Variants in CCDC102A observed in about 807,000 individuals in gnomAD.
CCDC102A encodes the protein coiled-coil domain containing 102A.
Under a neutral mutation model 55.5 loss-of-function variants are expected in CCDC102A, and 40 were observed. The observed-to-expected ratio is 0.72, with a 90% CI of 0.56 to 0.94. The LOEUF is 0.94. Among genes scored for constraint, CCDC102A ranks in the 40% least tolerant of loss-of-function variants. The pLI is 0.00. For missense variants in CCDC102A, 779 were observed against 768.6 expected, an observed-to-expected ratio of 1.01 and a Z score of -0.16; for synonymous variants, 323 against 339.0, an observed-to-expected ratio of 0.95 and a Z score of 0.52.
intron 3 of CCDC102A, among the ~76,000 whole-genome samples, chr16:57,522,772 CG>C (rs2032074311): frequency 6.6e-6 from 1 of 152,212 alleles, no homozygotes; most frequent in African/African-American, 2.4e-5. Flanking sequence ...TTATAACTAT[CG>C]TCACTATCAT....
intron 2 of CCDC102A, 23 bp from the exon 3 acceptor site, chr16:57,526,150 T>C (rs1375952917): frequency 6.7e-7 from 1 of 1,501,040 alleles, no homozygotes; most frequent in Admixed American, 2.3e-5. Flanking sequence ...AGGTGGAGGC[T>C]GGACCAGTGG....
At chr16:57,518,316 G>A (rs2031992818) in intron 5 of CCDC102A, 39 bp from the exon 6 acceptor site, 1 of 1,591,222 alleles carries the variant, frequency 6.3e-7, no homozygotes, top group Non-Finnish European at 8.5e-7. Context: ...TCCCAGCGGA[G>A]GGGGCATGCA....
Position 57,512,401 on chromosome 16 carries a change from C to T in CCDC102A, c.*340G>A, listed in dbSNP as rs2031877856. On this transcript the variant is annotated 3_prime_UTR_variant, in exon 9 of 9. Transcript: ENST00000258214. The stretch of plus-strand genomic sequence containing the variant: ...GCCCAGGGTGGGGCTCCAACAACTG[C>T]CCCCAACATGCCCAGCCCTGCATGA... The T allele has an allele frequency of 2.5e-6, 1 of 400,492 alleles. No homozygotes were observed. The highest frequency in any genetic ancestry group is 4.4e-6 in the Non-Finnish European group (1 of 227,312). 24.8% of individuals were successfully genotyped at this position (400,492 alleles called of 1,614,324 possible).
chr16:57,528,388 G>A (rs1424011287), intron 2 of CCDC102A, among the ~76,000 whole-genome samples: 1 of 152,166 alleles, frequency 6.6e-6, no homozygotes, highest in African/African-American at 2.4e-5. Context: ...TGGGAGTGGA[G>A]GGATCACAGA....
chr16:57,536,073 G>A (rs529955684), intron 1 of CCDC102A, among the ~76,000 whole-genome samples: 1 of 152,286 alleles, frequency 6.6e-6, no homozygotes, highest in South Asian at 2.1e-4. Flanking sequence ...CCACCGCATG[G>A]CCCCCATTGG....
chr16:57,525,665 G>A (rs1037795739), intron 3 of CCDC102A, among the ~76,000 whole-genome samples: 4 of 152,232 alleles, frequency 2.6e-5, no homozygotes, highest in Non-Finnish European at 5.9e-5. Flanking sequence ...ATTTACGGCT[G>A]TATCCTCAGG....
intron 3 of CCDC102A, among the ~76,000 whole-genome samples, chr16:57,525,331 C>T (rs1360976567): frequency 1.3e-5 from 2 of 152,158 alleles, no homozygotes; most frequent in Admixed American, 6.5e-5. Flanking sequence ...CAACTCCTGA[C>T]CTCAAGTGAT....
chr16:57,518,586 C>T (rs759448990), intron 5 of CCDC102A, 39 bp downstream of exon 5: 1 of 1,545,630 alleles, frequency 6.5e-7, no homozygotes, highest in South Asian at 1.1e-5. Flanking sequence ...CCCAGGACCC[C>T]TAAACCCAGG....
rs144924841 is a variant in CCDC102A at position 57,516,381 on chromosome 16, C to T, written c.1331G>A (p.Arg444Gln). The change falls in exon 7 of 9, where the codon CGG becomes CAG. Residue 444 changes from arginine to glutamine, a missense_variant. Arg to Gln is a conservative substitution (Grantham distance 43). Coordinates refer to ENST00000258214, the MANE Select transcript of CCDC102A (RefSeq NM_033212.4). This position sits in a 1 kb window ranked among gnomAD's most constrained non-coding sequence, Gnocchi z 4.4. ...EKVAELAHAN[R>Q]RVEQHEAEVK... ...CTCAGCCTCGTGCTGCTCCACCCGCCGGTTGGCATGTGCCAGCTCTGCCAC... is the reference window on the plus strand; with the variant it reads ...CTCAGCCTCGTGCTGCTCCACCCGCTGGTTGGCATGTGCCAGCTCTGCCAC... 7.5e-4 allele frequency: 1,203 copies of T among 1,609,708 alleles called. 5 individuals carry two copies. The highest frequency in any genetic ancestry group is 8.9e-4 in the Non-Finnish European group (1,049 of 1,179,996).
rs1292261943 is a variant in CCDC102A at position 57,512,352 on chromosome 16, T to C, written c.*389A>G. 42 of 399,584 alleles carry C rather than the reference T, an allele frequency of 1.1e-4. No homozygotes were observed. In the East Asian group the frequency reaches 1.5e-3, roughly 14 times the overall value. 24.8% of individuals were successfully genotyped at this position (399,584 alleles called of 1,614,324 possible). A position where few individuals can be genotyped will look rare whatever the true frequency, so the allele number is the denominator to read the frequency against. ...TAACTGGGTTCACTGCATTGTATGA[T>C]GAACAGCGAAGCCTAGAGAGGCAGC... On this transcript the variant is annotated 3_prime_UTR_variant, in exon 9 of 9. Coordinates refer to ENST00000258214, the MANE Select transcript of CCDC102A (RefSeq NM_033212.4).
Position 57,525,946 on chromosome 16 carries a change from C to G in CCDC102A, c.767G>C (p.Arg256Pro). 6.2e-7 allele frequency: 1 copy of G among 1,612,486 alleles called. No homozygotes were observed. The highest frequency in any genetic ancestry group is 8.5e-7 in the Non-Finnish European group (1 of 1,179,444). The change falls in exon 3 of 9, where the codon CGG becomes CCG. Residue 256 changes from arginine to proline, a missense_variant. By Grantham distance (103) the Arg-to-Pro change is moderately radical (BLOSUM62 -2). Transcript: ENST00000258214. ...EEEASKLTAL[R>P]LRLDESQKVL... ...CTTCTGGGACTCATCCAGCCGTAGC[C>G]GCAGGGCGGTCAACTTGGAGGCCTC...
intron 1 of CCDC102A, among the ~76,000 whole-genome samples, chr16:57,531,033 C>T (rs570169121): frequency 2.0e-5 from 3 of 152,036 alleles, no homozygotes; most frequent in Admixed American, 6.5e-5. Context: ...CTGGGCTTAT[C>T]CCTCGAATGC....
intron 3 of CCDC102A, among the ~76,000 whole-genome samples, chr16:57,524,367 G>A (rs1431963612): frequency 6.6e-6 from 1 of 152,066 alleles, no homozygotes; most frequent in Non-Finnish European, 1.5e-5. Flanking sequence ...TCCCCACAAT[G>A]TGAGCTGGGC....
chr16:57,514,012 G>A (rs1348193540), intron 8 of CCDC102A, among the ~76,000 whole-genome samples: 2 of 152,146 alleles, frequency 1.3e-5, no homozygotes, highest in African/African-American at 4.8e-5. Flanking sequence ...TTACCCTCTT[G>A]GGCCTTAGTT....
Position 57,526,050 on chromosome 16 carries a change from C to G in CCDC102A, c.663G>C (p.Gly221=), listed in dbSNP as rs1259096308. ...CTGAGCTGCCCCGCGGGCCCCCAGC[C>G]CCCAGGCTGCGCGCCTCCCAGCAGT... The part of the protein sequence containing the change: ...SEDCWEARSL[G]AGGPRGSSGR... The change falls in exon 3 of 9, where the codon GGG becomes GGC. Residue 221 remains glycine, a synonymous_variant. Transcript: ENST00000258214. The G allele has an allele frequency of 5.6e-6, 9 of 1,593,600 alleles. No homozygotes were observed. The highest frequency in any genetic ancestry group is 6.8e-6 in the Non-Finnish European group (8 of 1,172,832).
chr16:57,514,133 T>C (rs1207795095), intron 8 of CCDC102A, among the ~76,000 whole-genome samples: 2 of 152,154 alleles, frequency 1.3e-5, no homozygotes, highest in African/African-American at 4.8e-5. Context: ...GCAGCGGTAG[T>C]AGTAACAGTA....
chr16:57,530,260 G>T (rs1455001672), intron 1 of CCDC102A, among the ~76,000 whole-genome samples: 1 of 152,114 alleles, frequency 6.6e-6, no homozygotes, highest in African/African-American at 2.4e-5. Context: ...GCCCAGCACT[G>T]GGCTCTGCCA....
chr16:57,528,437 T>C (rs555313124), intron 2 of CCDC102A, among the ~76,000 whole-genome samples, 156 bp downstream of exon 2: 1 of 152,060 alleles, frequency 6.6e-6, no homozygotes, highest in South Asian at 2.1e-4. Context: ...GGAAGGAAAA[T>C]GATGTGAGGC....
chr16:57,523,964 G>A (rs1455808722), intron 3 of CCDC102A, among the ~76,000 whole-genome samples: 4 of 152,100 alleles, frequency 2.6e-5, no homozygotes, highest in African/African-American at 9.7e-5. Context: ...CCATTGGTGA[G>A]CACCTACTCT....
Sources: gnomAD v4.1 joint callset for allele counts (sites outside exome capture counted in the v4.1 genomes callset) on GRCh38, gnomAD v4.1.1 for gene constraint, Gnocchi (gnomAD v3.1) non-coding constraint, MANE v1.5 for transcripts, NCBI Gene and HGNC (gene_info 2026-07-23, HGNC 2026-07-21) for gene names.